ASAH2: variants seen among roughly 807,000 people sequenced by gnomAD.
The protein encoded by ASAH2 is neutral ceramidase.
ASAH2 carries 58 observed loss-of-function variants against 82.9 expected under a neutral mutation model. The observed-to-expected ratio is 0.70, with a 90% confidence interval of 0.57 to 0.87. The LOEUF (loss-of-function observed/expected upper bound fraction) is 0.87, where lower values mean the gene tolerates loss of function less well. Ranked by LOEUF, ASAH2 falls within the 40% of genes least tolerant of loss-of-function variation. The probability of loss-of-function intolerance (pLI) is 0.00; values close to 1 mark genes in which losing one functional copy is unlikely to be tolerated. For synonymous variants in ASAH2, 276 were observed against 289.7 expected, an observed-to-expected ratio of 0.95 and a Z score of 0.48; for missense variants, 779 against 834.0, an observed-to-expected ratio of 0.93 and a Z score of 0.81.
intron 12 of ASAH2, among the ~76,000 whole-genome samples, chr10:50,209,303 G>C (rs892240385): frequency 3.3e-5 from 5 of 152,092 alleles, no homozygotes; most frequent in African/African-American, 4.8e-5. Context: ...AAGAATGTTT[G>C]TGCTTCAAAT....
intron 7 of ASAH2, among the ~76,000 whole-genome samples, chr10:50,219,711 C>T (rs1275950438): frequency 5.3e-5 from 8 of 152,204 alleles, no homozygotes; most frequent in African/African-American, 1.9e-4. Context: ...ATTAGGACTT[C>T]AAGATCATCT....
chr10:50,251,098 C>G (rs2133239309), intron 1 of ASAH2, among the ~76,000 whole-genome samples: 1 of 152,294 alleles, frequency 6.6e-6, no homozygotes, highest in Admixed American at 6.5e-5. Flanking sequence ...TAGAGCTAAG[C>G]CAATAATTAT....
intron 17 of ASAH2, among the ~76,000 whole-genome samples, chr10:50,198,720 G>A (rs1420360750): frequency 6.6e-6 from 1 of 151,928 alleles, no homozygotes; most frequent in African/African-American, 2.4e-5. Flanking sequence ...AAGCCTATGT[G>A]CTCCTCTGAA....
intron 16 of ASAH2, among the ~76,000 whole-genome samples, chr10:50,200,441 T>G (rs1415777914): frequency 6.6e-6 from 1 of 151,860 alleles, no homozygotes; most frequent in Non-Finnish European, 1.5e-5. Context: ...CCTTTGCATA[T>G]ATCGTTTCTT....
At chr10:50,244,715 T>C (rs1193947781) in intron 3 of ASAH2, among the ~76,000 whole-genome samples, 1 of 152,226 alleles carries the variant, frequency 6.6e-6, no homozygotes, top group Non-Finnish European at 1.5e-5. Context: ...GTAAGAGATT[T>C]GAATCTTCAA....
chr10:50,218,931 A>C (rs961916346), intron 7 of ASAH2, among the ~76,000 whole-genome samples: 2 of 152,202 alleles, frequency 1.3e-5, no homozygotes, highest in Non-Finnish European at 2.9e-5. Flanking sequence ...CTGTATATAC[A>C]TGGACTTTGT....
intron 2 of ASAH2, among the ~76,000 whole-genome samples, chr10:50,247,633 G>A (rs982316540): frequency 1.3e-5 from 2 of 152,046 alleles, no homozygotes; most frequent in African/African-American, 4.8e-5. Flanking sequence ...AGGGAAAACT[G>A]AGGTAGAAAA....
At position 50,248,597 on chromosome 10, in the gene ASAH2, G is replaced by A; in HGVS notation, c.14C>T (p.Thr5Ile). 2.5e-6 allele frequency: 4 copies of A among 1,613,668 alleles called. No individual in the cohort carries two copies. Among genetic ancestry groups the A allele is most frequent in the Middle Eastern group, 3.3e-4 (2 of 6,058 alleles). The change falls in exon 2 of 21, where the codon ACC (threonine) becomes ATC (isoleucine). Residue 5 changes from threonine (T) to isoleucine (I), a missense_variant. By Grantham distance (89) the Thr-to-Ile change is moderately conservative. Around this residue, in one of 3 missense-constraint regions of ASAH2, gnomAD observed 759 missense variants for 755.2 expected, o/e 1.00. Transcript: ENST00000682911. ...CAGGAATGTCTCCAAGTTAGAGAAG[G>A]TGCGTTTGGCCATTTCTTCTCAGGT... MAKRTFSNLETFLIF... is the reference protein window; with the variant it reads MAKRIFSNLETFLIF...
intron 1 of ASAH2, among the ~76,000 whole-genome samples, chr10:50,249,629 C>G (rs1846564719): frequency 6.6e-6 from 1 of 152,120 alleles, no homozygotes; most frequent in Non-Finnish European, 1.5e-5. Flanking sequence ...TCTTATAAAA[C>G]CTATCTCATA....
chr10:50,199,145 G>A lies in ASAH2; in HGVS notation c.1763C>T (p.Ala588Val). ...HYITTYEEYQ[A>V]QRYEAASTIY... ...TGTCGATGCTGCCTCATATCGCTGA[G>A]CCTGCAGGAAAGGCAGGGAGAGTTG... is the stretch of plus-strand genomic sequence containing the variant. Residue 588 changes from alanine to valine, a missense_variant and splice_region_variant, in exon 17 of 21, where the codon GCT becomes GTT. Around this residue, in one of 3 missense-constraint regions of ASAH2, gnomAD observed 759 missense variants for 755.2 expected, o/e 1.00. Transcript: ENST00000682911. 2 of 1,613,128 alleles carry A rather than the reference G, an allele frequency of 1.2e-6. No homozygotes were observed. The highest frequency in any genetic ancestry group is 1.7e-6 in the Non-Finnish European group (2 of 1,179,332).
At chr10:50,227,189 G>A (rs1457562678) in intron 7 of ASAH2, among the ~76,000 whole-genome samples, 10 of 152,094 alleles carry the variant, frequency 6.6e-5, no homozygotes, top group South Asian at 4.1e-4. Flanking sequence ...CCCTTAAAAT[G>A]TAAGAATAAA....
chr10:50,219,868 T>C (rs1288555963), intron 7 of ASAH2, among the ~76,000 whole-genome samples: 1 of 152,220 alleles, frequency 6.6e-6, no homozygotes, highest in South Asian at 2.1e-4. Flanking sequence ...AAACTTGCAG[T>C]GTCTAAAGTT....
chr10:50,238,696 G>T (rs954394521), intron 4 of ASAH2, among the ~76,000 whole-genome samples: 1 of 152,120 alleles, frequency 6.6e-6, no homozygotes, highest in Non-Finnish European at 1.5e-5. Flanking sequence ...CAACTTTAAA[G>T]CTCCCTAACC....
intron 3 of ASAH2, among the ~76,000 whole-genome samples, chr10:50,244,045 T>G (rs1161511381): frequency 2.0e-5 from 3 of 152,126 alleles, no homozygotes; most frequent in African/African-American, 4.8e-5. Flanking sequence ...GAAAATATGT[T>G]GCAAGGGCTC....
At position 50,199,010 on chromosome 10, in the gene ASAH2, A is replaced by G. The variant is rs1357879137; in HGVS notation, c.1857+41T>C. 8.1e-4 allele frequency: 1,269 copies of G among 1,568,930 alleles called. 9 individuals carry two copies. In the African/African-American group the frequency reaches 0.012, roughly 15 times the overall value. ...CAGACATACACACACACACACACAC[A>G]CACGCACGCGCGCATGCACGCACAA... On this transcript the variant is annotated intron_variant, in intron 17 of 20. Transcript: ENST00000682911.
intron 9 of ASAH2, among the ~76,000 whole-genome samples, chr10:50,213,453 A>G (rs1260383421): frequency 6.6e-6 from 1 of 152,190 alleles, no homozygotes; most frequent in Non-Finnish European, 1.5e-5. Flanking sequence ...GATTAAAATT[A>G]TATTGGAACA....
At position 50,187,209 on chromosome 10, in the gene ASAH2, G is replaced by A. The variant is rs1844778770; in HGVS notation, c.*106C>T. 6 of 120,112 alleles carry A rather than the reference G, an allele frequency of 5.0e-5. No individual in the cohort carries two copies. The South Asian group carries it at 8.3e-4, about 17-fold the overall frequency. The allele number at this position is 120,112 out of a possible 1,614,324, so 7.4% of individuals were successfully genotyped here. ...AAACTATCTGTCCCCAAACAGGGAC[G>A]ATTATAGAAGTCAACATGGTAGTTC... On this transcript the variant is annotated 3_prime_UTR_variant, in exon 21 of 21. Coordinates refer to ENST00000682911, the MANE Select transcript of ASAH2 (RefSeq NM_019893.4).
chr10:50,184,990 C>T lies in ASAH2; in HGVS notation c.*2325G>A, dbSNP rs1283312486. 2 of 151,510 alleles carry T rather than the reference C, an allele frequency of 1.3e-5. No homozygotes were observed. Among genetic ancestry groups the T allele is most frequent in the Non-Finnish European group, 3.0e-5 (2 of 67,716 alleles). 9.4% of individuals were successfully genotyped at this position (151,510 alleles called of 1,614,324 possible). Reference sequence around the variant, plus strand: ...GTGCTTTTCAAAGAAGTCAAAAAATCCTTAAAACCAGAGTAGGCAGGGTAC... The same window carrying T: ...GTGCTTTTCAAAGAAGTCAAAAAATTCTTAAAACCAGAGTAGGCAGGGTAC... On this transcript the variant is annotated 3_prime_UTR_variant, in exon 21 of 21. Coordinates refer to ENST00000682911, the MANE Select transcript of ASAH2 (RefSeq NM_019893.4).
At chr10:50,227,322 A>C (rs1845910657) in intron 7 of ASAH2, among the ~76,000 whole-genome samples, 1 of 133,012 alleles carries the variant, frequency 7.5e-6, no homozygotes, top group Non-Finnish European at 1.6e-5. Context: ...GATCACTGCA[A>C]AAACAAACAG....
Sources: allele counts gnomAD v4.1 joint callset (sites outside exome capture counted in the v4.1 genomes callset), GRCh38; gene constraint gnomAD v4.1.1; regional missense constraint gnomAD v4.1.1; transcripts MANE v1.5; gene names NCBI Gene and HGNC (gene_info 2026-07-23, HGNC 2026-07-21).